NBAS: variants seen among roughly 807,000 people sequenced by gnomAD.
NBAS encodes NAG/BC035112 fusion.
Under a neutral mutation model 302.5 loss-of-function variants are expected in NBAS, and 219 were observed. The ratio of observed to expected loss-of-function variants is 0.72; its 90% CI spans 0.65 to 0.81. The LOEUF (loss-of-function observed/expected upper bound fraction) is 0.81. NBAS is among the 30% of genes least tolerant of loss of function. The pLI is 0.00. For synonymous variants in NBAS, 1,118 were observed against 1,021.6 expected (o/e 1.09, Z -1.80); for missense variants, 2,932 against 2,841.6 (o/e 1.03, Z -0.72).
intron 51 of NBAS, among the ~76,000 whole-genome samples, chr2:15,175,302 TAGAC>T (rs1341539131): frequency 6.6e-6 from 1 of 152,010 alleles, no homozygotes; most frequent in Non-Finnish European, 1.5e-5. Context: ...ACTATTTTAA[TAGAC>T]AGCACAGTCC....
chr2:14,885,441 G>A, the NBAS span, among the ~76,000 whole-genome samples: 2 of 152,120 alleles, frequency 1.3e-5, no homozygotes, highest in African/African-American at 4.8e-5. Context: ...TATGAATGAG[G>A]GGGAGGCAGC....
chr2:14,794,138 A>ATT, the NBAS span, among the ~76,000 whole-genome samples: 1 of 152,158 alleles, frequency 6.6e-6, no homozygotes, highest in Non-Finnish European at 1.5e-5. Flanking sequence ...ATGAATGACT[A>ATT]TTTTCCCCCT....
chr2:15,207,100 G>A (rs1178568402), intron 48 of NBAS, among the ~76,000 whole-genome samples: 1 of 152,226 alleles, frequency 6.6e-6, no homozygotes, highest in Non-Finnish European at 1.5e-5. Context: ...AAGCAGTCAT[G>A]GAGGCTGTAC....
intron 42 of NBAS, among the ~76,000 whole-genome samples, chr2:15,286,526 C>T (rs1670050822): frequency 6.6e-6 from 1 of 152,228 alleles, no homozygotes; most frequent in African/African-American, 2.4e-5. Flanking sequence ...ATCCCTGGAA[C>T]TCACCAACAC....
At chr2:15,305,017 T>TA (rs1670964668) in intron 40 of NBAS, among the ~76,000 whole-genome samples, 1 of 152,164 alleles carries the variant, frequency 6.6e-6, no homozygotes, top group Admixed American at 6.5e-5. Context: ...ACTTTTGGGT[T>TA]AGTGCTAGAA....
At chr2:14,909,366 T>TAAAAAAAAAAAAAAAAAAAAAAA in the NBAS span, among the ~76,000 whole-genome samples, 30 of 78,570 alleles carry the variant, frequency 3.8e-4, 3 homozygotes, top group Non-Finnish European at 5.1e-4. Context: ...GGAGAGTTTC[T>TAAAAAAAAAAAAAAAAAAAAAAA]AAAAAAAAAA....
At chr2:15,045,931 C>A in the NBAS span, among the ~76,000 whole-genome samples, 846 of 152,182 alleles carry the variant, frequency 5.6e-3, 12 homozygotes, top group South Asian at 0.051. Context: ...GAGTGTGTAC[C>A]CCCTAATTTC....
chr2:14,983,554 TCCCCAACCCACTA>T, the NBAS span, among the ~76,000 whole-genome samples: 17 of 151,842 alleles, frequency 1.1e-4, no homozygotes, highest in South Asian at 3.6e-3. Context: ...CAAATATAAG[TCCCCAACCCACTA>T]CCCAAATTTC....
the NBAS span, among the ~76,000 whole-genome samples, chr2:14,782,403 A>G: frequency 6.6e-6 from 1 of 152,176 alleles, no homozygotes; most frequent in East Asian, 1.9e-4. Context: ...CAAAACCGCA[A>G]TGAAATACCA....
chr2:15,277,895 A>G (rs538072708), intron 42 of NBAS, among the ~76,000 whole-genome samples: 3 of 152,262 alleles, frequency 2.0e-5, no homozygotes, highest in East Asian at 3.9e-4. Context: ...CCTGTGGTCT[A>G]GTGTAATCTC....
intron 31 of NBAS, among the ~76,000 whole-genome samples, chr2:15,368,836 C>T (rs1203966708): frequency 1.3e-5 from 2 of 152,210 alleles, no homozygotes; most frequent in Admixed American, 6.5e-5. Context: ...TTCCCTTCTA[C>T]TGTGACAAGA....
chr2:15,269,976 C>A (rs1669241892), intron 44 of NBAS, among the ~76,000 whole-genome samples: 1 of 152,138 alleles, frequency 6.6e-6, no homozygotes, highest in African/African-American at 2.4e-5. Context: ...CTACTGCAAC[C>A]AAAACAACAA....
chr2:15,351,903 C>G lies in NBAS; in HGVS notation c.4179+89G>C, dbSNP rs528589128. On this transcript the variant is annotated intron_variant, in intron 35 of 51. Coordinates refer to ENST00000281513, the MANE Select transcript of NBAS (RefSeq NM_015909.4). ...ACACACACACACACACACACACACA[C>G]AAAACCCCTCTCATCCACAAGGTTA... is the stretch of plus-strand genomic sequence containing the variant. 3 of 928,348 alleles carry G rather than the reference C, an allele frequency of 3.2e-6. No homozygotes were observed. The East Asian group carries it at 7.6e-5, about 24-fold the overall frequency. The allele number at this position is 928,348 out of a possible 1,614,324, so 57.5% of individuals were successfully genotyped here. A position where few individuals can be genotyped will look rare whatever the true frequency, so the allele number is the denominator to read the frequency against.
the NBAS span, among the ~76,000 whole-genome samples, chr2:15,155,084 C>T: frequency 3.9e-5 from 6 of 152,164 alleles, no homozygotes; most frequent in East Asian, 1.9e-4. Flanking sequence ...TAGGTAGGAA[C>T]GTTAAGCTGA....
rs571130910 is a variant in NBAS, at chr2:15,405,866, CA to C, written c.2938-3566del. 7.2e-5 allele frequency among the ~76,000 whole-genome samples: 11 copies of C among 151,760 alleles called. No homozygotes were observed. The East Asian group carries it at 1.9e-3, about 27-fold the overall frequency. Reference sequence around the variant, plus strand: ...AGGAATAAATTTAACAAAAAATGTGCAAAACATCTAAGAGGAATATTTTCAA... The same window carrying C: ...AGGAATAAATTTAACAAAAAATGTGCAAACATCTAAGAGGAATATTTTCAA... On this transcript the variant is annotated intron_variant, in intron 25 of 51. Transcript: ENST00000281513.
Position 15,308,338 on chromosome 2 carries a change from G to A in NBAS, c.4675C>T (p.Arg1559Trp), listed in dbSNP as rs755242823. The stretch of plus-strand genomic sequence containing the variant: ...GAGGGGGACTGCTTTTCAAAGCACC[G>A]GTTAGCATCTAACACCTAGGAGGGA... ...LALPQVLDAN[R>W]CFEKQSPSAL... Residue 1559 changes from arginine to tryptophan, a missense_variant, in exon 40 of 52, where the codon CGG (arginine) becomes TGG (tryptophan). By Grantham distance (101) the Arg-to-Trp change is moderately radical (BLOSUM62 -3). Transcript: ENST00000281513. 20 of 1,613,854 alleles carry A rather than the reference G, an allele frequency of 1.2e-5. No individual in the cohort carries two copies. Among genetic ancestry groups the A allele is most frequent in the Non-Finnish European group, 1.5e-5 (18 of 1,179,986 alleles).
At chr2:15,097,995 G>C in the NBAS span, among the ~76,000 whole-genome samples, 4 of 88,562 alleles carry the variant, frequency 4.5e-5, no homozygotes, top group African/African-American at 1.4e-4. Flanking sequence ...ATATTATATT[G>C]TATATAATAT....
At chr2:14,994,881 A>G in the NBAS span, among the ~76,000 whole-genome samples, 274 of 152,178 alleles carry the variant, frequency 1.8e-3, no homozygotes, top group Non-Finnish European at 3.3e-3. Flanking sequence ...GAGCTGCTTT[A>G]TCACTGCTCA....
At chr2:15,034,346 A>C in the NBAS span, among the ~76,000 whole-genome samples, 1 of 152,268 alleles carries the variant, frequency 6.6e-6, no homozygotes, top group Non-Finnish European at 1.5e-5. Flanking sequence ...GCAAGCAAGC[A>C]AGCAAGAAAA....
Sources: allele counts gnomAD v4.1 joint callset (sites outside exome capture counted in the v4.1 genomes callset), GRCh38; gene constraint gnomAD v4.1.1; transcripts MANE v1.5; gene names NCBI Gene and HGNC (gene_info 2026-07-23, HGNC 2026-07-21).